Variants in GALNTL6 observed in about 807,000 individuals in gnomAD.
The protein encoded by GALNTL6 is polypeptide N-acetylgalactosaminyltransferase like 6, also known as polypeptide N-acetylgalactosaminyltransferase-like 6.
A neutral mutation model predicts 73.7 loss-of-function variants in GALNTL6; 46 were observed. The ratio of observed to expected loss-of-function variants is 0.62; its 90% confidence interval spans 0.49 to 0.80. The LOEUF (loss-of-function observed/expected upper bound fraction) is 0.80, where lower values mean the gene tolerates loss of function less well. Among genes scored for constraint, GALNTL6 ranks in the 30% least tolerant of loss-of-function variants. The probability of loss-of-function intolerance (pLI) is 0.00; values close to 1 mark genes in which losing one functional copy is unlikely to be tolerated. For missense variants in GALNTL6, 604 were observed against 755.0 expected, an observed-to-expected ratio of 0.80 and a Z score of 2.34; for synonymous variants, 259 against 263.7, an observed-to-expected ratio of 0.98 and a Z score of 0.17.
intron 5 of GALNTL6, among the ~76,000 whole-genome samples, chr4:172,646,371 C>T (rs1216208572): frequency 6.6e-6 from 1 of 152,064 alleles, no homozygotes; most frequent in African/African-American, 2.4e-5. Flanking sequence ...GCCTTCTTTA[C>T]TTTTTCTTAG....
chr4:172,749,191 CAA>C lies in GALNTL6; in HGVS notation c.554-60165_554-60164del, dbSNP rs574012679. On this transcript the variant is annotated intron_variant, in intron 5 of 12. Coordinates refer to ENST00000506823, the MANE Select transcript of GALNTL6 (RefSeq NM_001034845.3). ...AATTAAAAATTTAAAAAGATAACCA[CAA>C]AAAAGGTAATCATGTATGTCACTGT... 3.4e-3 allele frequency among the ~76,000 whole-genome samples: 512 copies of C among 151,758 alleles called. 9 individuals carry two copies. Among genetic ancestry groups the C allele is most frequent in the Admixed American group, 0.03 (456 of 15,236 alleles).
intron 10 of GALNTL6, among the ~76,000 whole-genome samples, chr4:172,963,699 C>A (rs1301614747): frequency 1.3e-5 from 2 of 152,228 alleles, no homozygotes; most frequent in Non-Finnish European, 2.9e-5. Flanking sequence ...TCCATGGCCA[C>A]ACAAAGTCCA....
intron 3 of GALNTL6, among the ~76,000 whole-genome samples, chr4:172,235,315 C>T (rs900504654): frequency 6.6e-6 from 1 of 151,992 alleles, no homozygotes; most frequent in Non-Finnish European, 1.5e-5. Context: ...TCAGGCGATT[C>T]TCCTGCCTCA....
intron 5 of GALNTL6, among the ~76,000 whole-genome samples, chr4:172,606,630 CT>C (rs1738295344): frequency 2.7e-5 from 1 of 37,536 alleles, no homozygotes; most frequent in Admixed American, 4.2e-4. Context: ...TATATATATA[CT>C]ATATATATAC....
chr4:172,525,400 T>A (rs116432673), intron 5 of GALNTL6, among the ~76,000 whole-genome samples: 4,448 of 152,274 alleles, frequency 0.029, 216 homozygotes, highest in African/African-American at 0.1. Context: ...AATTTTTTTT[T>A]AAATTTGTGT....
chr4:172,725,003 C>T lies in GALNTL6; in HGVS notation c.554-84358C>T, dbSNP rs188930528. On this transcript the variant is annotated intron_variant, in intron 5 of 12. Transcript: ENST00000506823. ...ATTTTTCACATGCAATGGAAGTCTTCGTCTCCCCCAACAGCCAAAATTTTC... is the reference window on the plus strand; with the variant it reads ...ATTTTTCACATGCAATGGAAGTCTTTGTCTCCCCCAACAGCCAAAATTTTC... 1.4e-4 allele frequency among the ~76,000 whole-genome samples: 21 copies of T among 152,128 alleles called. No individual in the cohort carries two copies. The East Asian group carries it at 3.5e-3, about 25-fold the overall frequency.
At chr4:172,582,122 A>G (rs1193413235) in intron 5 of GALNTL6, among the ~76,000 whole-genome samples, 1 of 152,160 alleles carries the variant, frequency 6.6e-6, no homozygotes, top group Non-Finnish European at 1.5e-5. Flanking sequence ...GAAGTGCACA[A>G]AAAGGCCTGT....
intron 5 of GALNTL6, among the ~76,000 whole-genome samples, chr4:172,775,622 G>A (rs531255598): frequency 5.3e-5 from 8 of 152,048 alleles, no homozygotes; most frequent in African/African-American, 1.9e-4. Context: ...AACACTTCAG[G>A]GTAGATAAAC....
chr4:172,783,387 T>G (rs1290752201), intron 5 of GALNTL6, among the ~76,000 whole-genome samples: 2 of 147,460 alleles, frequency 1.4e-5, no homozygotes, highest in Non-Finnish European at 3.0e-5. Context: ...TATACACTAT[T>G]TATAATAATA....
chr4:172,156,547 A>ATATATATATAGTG (rs1734284094), intron 2 of GALNTL6, among the ~76,000 whole-genome samples: 1 of 113,776 alleles, frequency 8.8e-6, no homozygotes, highest in African/African-American at 3.9e-5. Context: ...TATAATATAT[A>ATATATATATAGTG]TATATATATA....
At position 172,306,187 on chromosome 4, in the gene GALNTL6, G is replaced by A. The variant is rs569163202; in HGVS notation, c.248-5427G>A. 1.3e-4 allele frequency among the ~76,000 whole-genome samples: 20 copies of A among 152,194 alleles called. 1 individual carries two copies. The South Asian group carries it at 3.5e-3, about 27-fold the overall frequency. On this transcript the variant is annotated intron_variant, in intron 3 of 12. Transcript: ENST00000506823. The stretch of plus-strand genomic sequence containing the variant: ...GAAAGTAACCTGAGGCCAGAAGTTC[G>A]AGACCAACCTGGCTAACATGGTGAA...
intron 5 of GALNTL6, among the ~76,000 whole-genome samples, chr4:172,501,490 A>AC (rs1734258643): frequency 6.6e-6 from 1 of 152,176 alleles, no homozygotes; most frequent in Non-Finnish European, 1.5e-5. Context: ...AACACTAAAA[A>AC]AATCAGTCTT....
intron 2 of GALNTL6, among the ~76,000 whole-genome samples, chr4:171,928,785 T>C (rs1738073156): frequency 6.6e-6 from 1 of 152,174 alleles, no homozygotes; most frequent in African/African-American, 2.4e-5. Context: ...TACAGGCTTG[T>C]AGGCTAGGAG....
chr4:172,439,740 C>T (rs1731761568), intron 5 of GALNTL6, among the ~76,000 whole-genome samples: 1 of 152,108 alleles, frequency 6.6e-6, no homozygotes, highest in Non-Finnish European at 1.5e-5. Context: ...ATTCCTGAAT[C>T]CCTTGTCCAA....
chr4:171,830,677 A>G (rs1240200967), intron 2 of GALNTL6, among the ~76,000 whole-genome samples: 1 of 152,120 alleles, frequency 6.6e-6, no homozygotes, highest in Admixed American at 6.6e-5. Flanking sequence ...TCAAGACTTG[A>G]CTGATCTTGA....
intron 5 of GALNTL6, among the ~76,000 whole-genome samples, chr4:172,366,518 T>A (rs916316251): frequency 6.6e-6 from 1 of 152,132 alleles, no homozygotes. Context: ...CAAACATAGA[T>A]GAATTGAGGA....
chr4:172,341,619 T>C (rs555779134), intron 4 of GALNTL6, among the ~76,000 whole-genome samples: 2 of 152,230 alleles, frequency 1.3e-5, no homozygotes, highest in South Asian at 4.1e-4. Context: ...TCTTGTGCTG[T>C]TCTGGTGATA....
chr4:172,845,738 TA>T (rs1268996942), intron 7 of GALNTL6, among the ~76,000 whole-genome samples: 1 of 152,148 alleles, frequency 6.6e-6, no homozygotes, highest in African/African-American at 2.4e-5. Flanking sequence ...AAATGATTTG[TA>T]AAAACAAGAA....
intron 5 of GALNTL6, among the ~76,000 whole-genome samples, chr4:172,394,483 G>A (rs1743778763): frequency 1.4e-5 from 2 of 145,374 alleles, no homozygotes. Context: ...CCAGGCTGGA[G>A]TGCAGTGGTG....
Sources: allele counts gnomAD v4.1 joint callset (sites outside exome capture counted in the v4.1 genomes callset), GRCh38; gene constraint gnomAD v4.1.1; transcripts MANE v1.5; gene names NCBI Gene and HGNC (gene_info 2026-07-23, HGNC 2026-07-21).